WIF1: variants seen among roughly 807,000 people sequenced by gnomAD.
WIF1 encodes Wnt inhibitory factor 1.
WIF1 carries 35 observed loss-of-function variants against 53.5 expected under a neutral mutation model. The ratio of observed to expected loss-of-function variants is 0.65; its 90% CI spans 0.50 to 0.87. The LOEUF is 0.87. WIF1 is among the 40% of genes least tolerant of loss of function. The pLI is 0.00. For synonymous variants in WIF1, 171 were observed against 170.4 expected (o/e 1.00, Z -0.03); for missense variants, 467 against 476.8 (o/e 0.98, Z 0.19).
chr12:65,106,827 G>A (rs1283982277), intron 2 of WIF1, among the ~76,000 whole-genome samples: 4 of 152,148 alleles, frequency 2.6e-5, no homozygotes, highest in Non-Finnish European at 5.9e-5. Flanking sequence ...GCCAGAGAAG[G>A]CAAAGAAGAA....
intron 2 of WIF1, among the ~76,000 whole-genome samples, chr12:65,080,900 T>C (rs1882939059): frequency 6.6e-6 from 1 of 152,088 alleles, no homozygotes; most frequent in Admixed American, 6.5e-5. Context: ...TAAATATACC[T>C]TTCTATGTGT....
rs2136631394 is a variant in WIF1, at chr12:65,094,008, C to T, written c.289-16154G>A. Among the ~76,000 whole-genome samples, 3 of 152,230 alleles carry T rather than the reference C, an allele frequency of 2.0e-5. No homozygotes were observed. The South Asian group carries it at 6.2e-4, about 32-fold the overall frequency. Reference sequence around the variant, plus strand: ...AACAGTGACGGTTCTGTAATTGGACCTTTATGAATTCCATATGTTACAGTC... The same window carrying T: ...AACAGTGACGGTTCTGTAATTGGACTTTTATGAATTCCATATGTTACAGTC... On this transcript the variant is annotated intron_variant, in intron 2 of 9. Coordinates refer to ENST00000286574, the MANE Select transcript of WIF1 (RefSeq NM_007191.5).
chr12:65,051,201 A>G lies in WIF1; in HGVS notation c.*148T>C. On this transcript the variant is annotated 3_prime_UTR_variant, in exon 10 of 10. Coordinates refer to ENST00000286574, the MANE Select transcript of WIF1 (RefSeq NM_007191.5). ...ACTTAGAAAACTTAAAAGGAAGAGT[A>G]AATATCAGCTCAGTGATTTATAATG... 1 of 1,035,852 alleles carries G rather than the reference A, an allele frequency of 9.7e-7. No homozygotes were observed. The highest frequency in any genetic ancestry group is 3.4e-4 in the Middle Eastern group (1 of 2,948). 64.2% of individuals were successfully genotyped at this position (1,035,852 alleles called of 1,614,324 possible). A position where few individuals can be genotyped will look rare whatever the true frequency, so the allele number is the denominator to read the frequency against.
chr12:65,102,438 CA>C (rs1883296076), intron 2 of WIF1, among the ~76,000 whole-genome samples: 1 of 152,140 alleles, frequency 6.6e-6, no homozygotes, highest in African/African-American at 2.4e-5. Flanking sequence ...ATAGGAGGGG[CA>C]GCCTTTTTGT....
Position 65,055,210 on chromosome 12 carries a change from A to G in WIF1, c.926T>C (p.Val309Ala), listed in dbSNP as rs1882505289. ...ATGTGCACCACAGCCAGGCTCGCAG[A>G]CAGCTAGAATCAAAAGAAATAAAAA... Reference protein sequence around the residue: ...GYQGDLCSKPVCEPGCGAHGT... With the variant: ...GYQGDLCSKPACEPGCGAHGT... Residue 309 changes from valine (V) to alanine (A), a missense_variant, in exon 9 of 10, where the codon GTC (valine) becomes GCC (alanine). By Grantham distance (64) the Val-to-Ala change is moderately conservative (BLOSUM62 0). Coordinates refer to ENST00000286574, the MANE Select transcript of WIF1 (RefSeq NM_007191.5). 1 of 1,613,312 alleles carries G rather than the reference A, an allele frequency of 6.2e-7. No individual in the cohort carries two copies. The highest frequency in any genetic ancestry group is 8.5e-7 in the Non-Finnish European group (1 of 1,179,800).
chr12:65,117,852 G>A lies in WIF1; in HGVS notation c.288+2565C>T, dbSNP rs377413151. On this transcript the variant is annotated intron_variant, in intron 2 of 9. Transcript: ENST00000286574. The stretch of plus-strand genomic sequence containing the variant: ...TGCTGCTGCCGATCTGACAGGAGGC[G>A]GAGCTTAGTCAGTAAGGAGAGGGAT... 4.6e-5 allele frequency among the ~76,000 whole-genome samples: 7 copies of A among 152,270 alleles called. No individual in the cohort carries two copies. The East Asian group carries it at 9.7e-4, about 21-fold the overall frequency.
chr12:65,090,968 T>C (rs1275762724), intron 2 of WIF1, among the ~76,000 whole-genome samples: 1 of 152,206 alleles, frequency 6.6e-6, no homozygotes, highest in Non-Finnish European at 1.5e-5. Flanking sequence ...GTCTCTGTAA[T>C]GCATTGTGGG....
chr12:65,119,675 G>C (rs1883570977), intron 2 of WIF1, among the ~76,000 whole-genome samples: 1 of 152,046 alleles, frequency 6.6e-6, no homozygotes, highest in South Asian at 2.1e-4. Context: ...TTGTCCTCTA[G>C]AGTAAATTCT....
At chr12:65,066,333 A>G (rs988861410) in intron 6 of WIF1, among the ~76,000 whole-genome samples, 1 of 152,150 alleles carries the variant, frequency 6.6e-6, no homozygotes, top group African/African-American at 2.4e-5. Flanking sequence ...TATTGGCTGG[A>G]TCTAGAGAGT....
Position 65,050,920 on chromosome 12 carries a change from CTAAA to C in WIF1, c.*425_*428del, listed in dbSNP as rs1882430282. 1 of 225,366 alleles carries C rather than the reference CTAAA, an allele frequency of 4.4e-6. No individual in the cohort carries two copies. Among genetic ancestry groups the C allele is most frequent in the South Asian group, 1.8e-4 (1 of 5,432 alleles). 14.0% of individuals were successfully genotyped at this position (225,366 alleles called of 1,614,324 possible). On this transcript the variant is annotated 3_prime_UTR_variant, in exon 10 of 10. Transcript: ENST00000286574. ...CAATTTTTAAAAATGTAACAAACAT[CTAAA>C]TATCTGACAATAAAATCTGAAATGC...
intron 2 of WIF1, among the ~76,000 whole-genome samples, chr12:65,111,189 C>A (rs1162585041): frequency 1.3e-5 from 2 of 152,156 alleles, no homozygotes; most frequent in African/African-American, 4.8e-5. Context: ...CTAAATATTT[C>A]TCTAACCTCC....
At chr12:65,093,915 A>T (rs7309476) in intron 2 of WIF1, among the ~76,000 whole-genome samples, 2 of 151,988 alleles carry the variant, frequency 1.3e-5, no homozygotes, top group Non-Finnish European at 2.9e-5. Flanking sequence ...CCATTACCAA[A>T]GAATAACCTT....
chr12:65,116,932 CAAAAAAAAAAAAAAAA>C (rs35417909), intron 2 of WIF1, among the ~76,000 whole-genome samples: 1 of 64,756 alleles, frequency 1.5e-5, no homozygotes, highest in South Asian at 8.7e-4. Flanking sequence ...GACTCTGTCT[CAAAAAAAAAAAAAAAA>C]AAAAAAAAAA....
At chr12:65,091,582 G>T (rs1883124094) in intron 2 of WIF1, among the ~76,000 whole-genome samples, 1 of 151,836 alleles carries the variant, frequency 6.6e-6, no homozygotes, top group Admixed American at 6.6e-5. Context: ...TGAATAAAAA[G>T]AAATCACAGA....
At chr12:65,096,917 G>A (rs1883213087) in intron 2 of WIF1, among the ~76,000 whole-genome samples, 1 of 151,732 alleles carries the variant, frequency 6.6e-6, no homozygotes, top group South Asian at 2.1e-4. Flanking sequence ...ATGCATGTGG[G>A]GCTTAAAACC....
At chr12:65,112,808 T>C (rs1883453579) in intron 2 of WIF1, among the ~76,000 whole-genome samples, 1 of 152,196 alleles carries the variant, frequency 6.6e-6, no homozygotes. Context: ...AGCTCTTCCC[T>C]GGGAAGGCAT....
At chr12:65,099,921 A>G (rs1883255301) in intron 2 of WIF1, among the ~76,000 whole-genome samples, 1 of 152,202 alleles carries the variant, frequency 6.6e-6, no homozygotes, top group Non-Finnish European at 1.5e-5. Flanking sequence ...AAGAAAATTG[A>G]GGAAATAACA....
intron 3 of WIF1, among the ~76,000 whole-genome samples, chr12:65,071,131 G>T (rs1324772435): frequency 1.3e-5 from 2 of 150,620 alleles, no homozygotes; most frequent in African/African-American, 2.4e-5. Context: ...CTACCTGGGA[G>T]GCTGAGGCAT....
At chr12:65,094,963 C>G (rs1883181570) in intron 2 of WIF1, among the ~76,000 whole-genome samples, 1 of 150,952 alleles carries the variant, frequency 6.6e-6, no homozygotes, top group African/African-American at 2.4e-5. Flanking sequence ...GACAAGGTCT[C>G]TCTCTGTCAC....
Sources: allele counts gnomAD v4.1 joint callset (sites outside exome capture counted in the v4.1 genomes callset), GRCh38; gene constraint gnomAD v4.1.1; transcripts MANE v1.5; gene names NCBI Gene and HGNC (gene_info 2026-07-23, HGNC 2026-07-21).